The following GIPC1 variants were observed in gnomAD, a reference collection of about 807,000 sequenced individuals.
GIPC1 encodes GIPC PDZ domain containing family member 1.
Under a neutral mutation model 28.5 loss-of-function variants are expected in GIPC1, and 15 were observed. The ratio of observed to expected loss-of-function variants is 0.53; its 90% CI spans 0.35 to 0.81. The LOEUF (loss-of-function observed/expected upper bound fraction) is 0.81. Among genes scored for constraint, GIPC1 ranks in the 30% least tolerant of loss-of-function variants. The pLI, the probability that GIPC1 is intolerant of heterozygous loss-of-function variation, is 0.01. For synonymous variants in GIPC1, 224 were observed against 206.1 expected (o/e 1.09, Z -0.74); for missense variants, 439 against 481.9 (o/e 0.91, Z 0.83).
chr19:14,496,041 T>TCCGCCGCCGCCTCCG lies in GIPC1; in HGVS notation c.-180_-179insCGGAGGCGGCGGCGG, dbSNP rs1555723641. On this transcript the variant is annotated 5_prime_UTR_variant, in exon 1 of 9. Coordinates refer to ENST00000393033, the MANE Select transcript of GIPC1 (RefSeq NM_005716.4). ...CTTCTCGCAGAGGCCACTCACCTGC[T>TCCGCCGCCGCCTCCG]CCGCCGCCGCCGCCGCCGCCGCCGC... The TCCGCCGCCGCCTCCG allele has an allele frequency of 4.5e-6, 1 of 221,694 alleles. No individual in the cohort carries two copies. Among genetic ancestry groups the TCCGCCGCCGCCTCCG allele is most frequent in the Non-Finnish European group, 8.6e-6 (1 of 116,472 alleles). The allele number at this position is 221,694 out of a possible 1,614,324, so 13.7% of individuals were successfully genotyped here. A position where few individuals can be genotyped will look rare whatever the true frequency, so the allele number is the denominator to read the frequency against.
chr19:14,481,443 C>G (rs1238704975), intron 4 of GIPC1, among the ~76,000 whole-genome samples: 1 of 152,102 alleles, frequency 6.6e-6, no homozygotes, highest in African/African-American at 2.4e-5. Flanking sequence ...CATTGCTGTG[C>G]CAGGTGCGGT....
Position 14,479,446 on chromosome 19 carries a change from A to G in GIPC1, c.734T>C (p.Leu245Pro). The G allele has an allele frequency of 1.4e-6, 2 of 1,428,956 alleles. No individual in the cohort carries two copies. The highest frequency in any genetic ancestry group is 1.8e-6 in the Non-Finnish European group (2 of 1,091,534). The allele number at this position is 1,428,956 out of a possible 1,614,324, so 88.5% of individuals were successfully genotyped here. A position where few individuals can be genotyped will look rare whatever the true frequency, so the allele number is the denominator to read the frequency against. Residue 245 changes from leucine to proline, a missense_variant, in exon 7 of 9, where the codon CTC becomes CCC. Coordinates refer to ENST00000393033, the MANE Select transcript of GIPC1 (RefSeq NM_005716.4). ...CACCGTGGCGGGGCCCCGGGATCGGAGCCGCAGGGTCCCTCGGCCAGTGCC... is the reference window on the plus strand; with the variant it reads ...CACCGTGGCGGGGCCCCGGGATCGGGGCCGCAGGGTCCCTCGGCCAGTGCC... ...QLGTGRGTLR[L>P]RSRGPATVED... is the part of the protein sequence containing the mutation.
chr19:14,478,645 A>C lies in GIPC1; in HGVS notation c.850+39T>G. 1 of 1,611,168 alleles carries C rather than the reference A, an allele frequency of 6.2e-7. No individual in the cohort carries two copies. The highest frequency in any genetic ancestry group is 8.5e-7 in the Non-Finnish European group (1 of 1,177,482). On this transcript the variant is annotated intron_variant, in intron 8 of 8. Coordinates refer to ENST00000393033, the MANE Select transcript of GIPC1 (RefSeq NM_005716.4). This position sits in a 1 kb window ranked among gnomAD's most constrained non-coding sequence, Gnocchi z 5.2. Reference sequence around the variant, plus strand: ...GCTCAGGGTGGATTCGGCCCCCAGCAGACCTAGATGCCCCCTCCCCCAGGC... The same window carrying C: ...GCTCAGGGTGGATTCGGCCCCCAGCCGACCTAGATGCCCCCTCCCCCAGGC...
intron 3 of GIPC1, among the ~76,000 whole-genome samples, chr19:14,487,890 C>T (rs995124289): frequency 4.6e-5 from 7 of 151,456 alleles, no homozygotes; most frequent in African/African-American, 1.7e-4. Flanking sequence ...TATGTTGTCC[C>T]GGCTGGTCTC....
rs2071760509 is a variant in GIPC1, at chr19:14,482,832, G to A, written c.145C>T (p.Pro49Ser). Reference sequence around the variant, plus strand: ...CGGGGCCGCAGGGCTGGGGGAGGGGGGGGCAAGCCCATTTGGGGGCCCCCC... The same window carrying A: ...CGGGGCCGCAGGGCTGGGGGAGGGGAGGGCAAGCCCATTTGGGGGCCCCCC... ...GSGGPQMGLPPPPPALRPRLV... is the reference protein window; with the variant it reads ...GSGGPQMGLPSPPPALRPRLV... The change falls in exon 4 of 9, where the codon CCC (proline) becomes TCC (serine). Residue 49 changes from proline (P) to serine (S), a missense_variant. Coordinates refer to ENST00000393033, the MANE Select transcript of GIPC1 (RefSeq NM_005716.4). 3 of 1,579,278 alleles carry A rather than the reference G, an allele frequency of 1.9e-6. No homozygotes were observed. Among genetic ancestry groups the A allele is most frequent in the Non-Finnish European group, 2.6e-6 (3 of 1,163,398 alleles).
intron 1 of GIPC1, among the ~76,000 whole-genome samples, chr19:14,493,478 G>T: frequency 6.7e-6 from 1 of 150,150 alleles, no homozygotes. Context: ...TTTTTTTCGA[G>T]ATGGAGTCTT....
Position 14,478,387 on chromosome 19 carries a change from G to T in GIPC1, c.*29C>A, listed in dbSNP as rs781652345. ...GGGGGCCCCCACCAGGTTGCGCCCG[G>T]GTCATCATCGCAGGGTCCGGGGGCA... On this transcript the variant is annotated 3_prime_UTR_variant, in exon 9 of 9. Coordinates refer to ENST00000393033, the MANE Select transcript of GIPC1 (RefSeq NM_005716.4). The surrounding 1 kb of genome is among the most constrained non-coding windows in gnomAD (Gnocchi z 5.2). 19 of 1,577,052 alleles carry T rather than the reference G, an allele frequency of 1.2e-5. No homozygotes were observed. In the South Asian group the frequency reaches 2.2e-4, roughly 18 times the overall value.
Position 14,480,496 on chromosome 19 carries a change from G to T in GIPC1, c.475-11C>A. On this transcript the variant is annotated splice_polypyrimidine_tract_variant and intron_variant, in intron 5 of 8. Transcript: ENST00000393033. Reference sequence around the variant, plus strand: ...GCCCTCCTTGATGCGCTGCGGGGGCGGGGAGTCATCAGCCCTTGGGGCTCT... The same window carrying T: ...GCCCTCCTTGATGCGCTGCGGGGGCTGGGAGTCATCAGCCCTTGGGGCTCT... The T allele has an allele frequency of 6.2e-7, 1 of 1,607,762 alleles. No individual in the cohort carries two copies. The highest frequency in any genetic ancestry group is 1.7e-5 in the Admixed American group (1 of 59,748).
chr19:14,494,629 C>T (rs546772095), intron 1 of GIPC1, among the ~76,000 whole-genome samples: 40 of 152,280 alleles, frequency 2.6e-4, no homozygotes, highest in African/African-American at 9.4e-4. Flanking sequence ...AGCACATGCA[C>T]GTAGCAGGTG....
intron 2 of GIPC1, among the ~76,000 whole-genome samples, chr19:14,492,195 G>A (rs2146493859): frequency 6.6e-6 from 1 of 152,218 alleles, no homozygotes; most frequent in East Asian, 1.9e-4. Flanking sequence ...GTGTGACTTT[G>A]GGCAAGGGTC....
intron 3 of GIPC1, among the ~76,000 whole-genome samples, chr19:14,488,883 G>T (rs1169304628): frequency 6.6e-6 from 1 of 151,276 alleles, no homozygotes; most frequent in Non-Finnish European, 1.5e-5. Context: ...GTGAAGGGGG[G>T]ATAGTGAGAA....
At chr19:14,481,382 T>C (rs1355457505) in intron 4 of GIPC1, among the ~76,000 whole-genome samples, 1 of 152,174 alleles carries the variant, frequency 6.6e-6, no homozygotes, top group Non-Finnish European at 1.5e-5. Context: ...TAGCTGGGAC[T>C]ATAGGTGTGC....
In GIPC1 at chr19:14,480,796, G is replaced by A. The variant is rs770507145; in HGVS notation, c.289-18C>T. ...AACATCACCTGCAGGGGTGGGAGAC[G>A]CTGAAACCTCTTCCCCCTCCCTCCC... On this transcript the variant is annotated intron_variant, in intron 4 of 8. Transcript: ENST00000393033. 4.5e-5 allele frequency: 71 copies of A among 1,578,030 alleles called. No individual in the cohort carries two copies. The highest frequency in any genetic ancestry group is 8.6e-5 in the Admixed American group (5 of 58,140).
Position 14,480,786 on chromosome 19 carries a change from G to C in GIPC1, c.289-8C>G. The stretch of plus-strand genomic sequence containing the variant: ...CAGGGTGCAGAACATCACCTGCAGG[G>C]GTGGGAGACGCTGAAACCTCTTCCC... On this transcript the variant is annotated splice_region_variant and splice_polypyrimidine_tract_variant and intron_variant, in intron 4 of 8. Coordinates refer to ENST00000393033, the MANE Select transcript of GIPC1 (RefSeq NM_005716.4). The C allele has an allele frequency of 1.3e-6, 2 of 1,599,504 alleles. No homozygotes were observed. The highest frequency in any genetic ancestry group is 1.7e-6 in the Non-Finnish European group (2 of 1,169,052).
intron 3 of GIPC1, among the ~76,000 whole-genome samples, chr19:14,488,322 A>G (rs1186120048): frequency 6.6e-6 from 1 of 152,024 alleles, no homozygotes; most frequent in African/African-American, 2.4e-5. Flanking sequence ...GTGGTGGTGC[A>G]CACCTGTGAT....
chr19:14,482,458 A>C, intron 4 of GIPC1: 1 of 591,738 alleles, frequency 1.7e-6, no homozygotes, highest in Non-Finnish European at 3.0e-6. Flanking sequence ...CCTGATGGGA[A>C]CTCAGCATCC....
chr19:14,485,684 A>AATATAT (rs141749727), intron 3 of GIPC1, among the ~76,000 whole-genome samples: 3,468 of 71,732 alleles, frequency 0.048, 108 homozygotes, highest in Middle Eastern at 0.093. Context: ...TAAATAAACA[A>AATATAT]ATATATATAT....
intron 6 of GIPC1, chr19:14,479,938 G>A (rs1452109061): frequency 4.5e-6 from 2 of 441,520 alleles, no homozygotes; most frequent in Non-Finnish European, 8.1e-6. Context: ...CCCCACCTCA[G>A]GGGCCTGGGG....
At position 14,478,783 on chromosome 19, in the gene GIPC1, G is replaced by A. The variant is rs1024530171; in HGVS notation, c.769-18C>T. On this transcript the variant is annotated intron_variant, in intron 7 of 8. Coordinates refer to ENST00000393033, the MANE Select transcript of GIPC1 (RefSeq NM_005716.4). This position sits in a 1 kb window ranked among gnomAD's most constrained non-coding sequence, Gnocchi z 5.2. ...GCAGAGGGCTGGGGGCCAGGGAGGG[G>A]TGACAGCGACATCATAACAATGTGA... The A allele has an allele frequency of 5.7e-6, 9 of 1,569,348 alleles. No individual in the cohort carries two copies. Among genetic ancestry groups the A allele is most frequent in the Admixed American group, 3.3e-5 (2 of 59,906 alleles).
Sources: allele counts gnomAD v4.1 joint callset (sites outside exome capture counted in the v4.1 genomes callset), GRCh38; gene constraint gnomAD v4.1.1; non-coding constraint Gnocchi (gnomAD v3.1); transcripts MANE v1.5; gene names NCBI Gene and HGNC (gene_info 2026-07-23, HGNC 2026-07-21).